Variants in MFSD1 observed in about 807,000 individuals in gnomAD.
MFSD1 encodes the protein lysosomal dipeptide transporter MFSD1.
A neutral mutation model predicts 67.1 loss-of-function variants in MFSD1; 59 were observed. The observed-to-expected ratio is 0.88, with a 90% CI of 0.71 to 1.09. The LOEUF (loss-of-function observed/expected upper bound fraction) is 1.09, where lower values mean the gene tolerates loss of function less well. MFSD1 is among the 50% of genes least tolerant of loss of function. The pLI is 0.00. For missense variants in MFSD1, 552 were observed against 566.1 expected (o/e 0.97, Z 0.25); for synonymous variants, 213 against 200.3 (o/e 1.06, Z -0.54).
chr3:158,826,088 T>C (rs761430444), intron 14 of MFSD1, 26 bp downstream of exon 14: 1 of 1,604,540 alleles, frequency 6.2e-7, no homozygotes, highest in Non-Finnish European at 8.5e-7. Context: ...GATATTTGCT[T>C]CTTAAACCGC....
Position 158,821,580 on chromosome 3 carries a change from T to C in MFSD1, c.864-17T>C. On this transcript the variant is annotated splice_polypyrimidine_tract_variant and intron_variant, in intron 9 of 15. Coordinates refer to ENST00000415822, the MANE Select transcript of MFSD1 (RefSeq NM_022736.4). ...GTTCTCTCTAATGTGCTAATTTCTC[T>C]GTCTTTTTAATTTTAGAGTTTTCTT... 1 of 1,579,502 alleles carries C rather than the reference T, an allele frequency of 6.3e-7. No individual in the cohort carries two copies. Among genetic ancestry groups the C allele is most frequent in the Non-Finnish European group, 8.7e-7 (1 of 1,152,750 alleles).
intron 9 of MFSD1, among the ~76,000 whole-genome samples, chr3:158,821,323 C>G (rs947965843): frequency 6.6e-6 from 1 of 152,114 alleles, no homozygotes; most frequent in Non-Finnish European, 1.5e-5. Context: ...CCTTAAGTCC[C>G]TGTGGTAGTA....
intron 13 of MFSD1, chr3:158,825,223 G>A (rs967423423): frequency 2.0e-5 from 3 of 152,162 alleles, no homozygotes; most frequent in Admixed American, 2.0e-4. Context: ...CAGTGGAGCA[G>A]TCACAGCTCA....
chr3:158,806,988 A>G (rs994711981), intron 3 of MFSD1, 52 bp from the exon 4 acceptor site: 1 of 1,405,030 alleles, frequency 7.1e-7, no homozygotes, highest in African/African-American at 1.5e-5. Flanking sequence ...AGAAATTAAG[A>G]TTTTTTTTTT....
chr3:158,812,932 C>T (rs1730110871), intron 6 of MFSD1, among the ~76,000 whole-genome samples: 2 of 152,152 alleles, frequency 1.3e-5, no homozygotes, highest in South Asian at 4.2e-4. Flanking sequence ...GTTCCTTCTG[C>T]CTGGAGTGCT....
chr3:158,822,010 T>C lies in MFSD1; in HGVS notation c.947T>C (p.Met316Thr), dbSNP rs148701924. The change falls in exon 11 of 16, where the codon ATG becomes ACG. Residue 316 changes from methionine to threonine, a missense_variant. Coordinates refer to ENST00000415822, the MANE Select transcript of MFSD1 (RefSeq NM_022736.4). ...GTTGTATATGTCATATCAGCTCCCA[T>C]GTCCCCGGTGTTTGGGCTCCTGGTG... ...NSVVYVISAPMSPVFGLLVDK... is the reference protein window; with the variant it reads ...NSVVYVISAPTSPVFGLLVDK... 3.7e-6 allele frequency: 6 copies of C among 1,613,780 alleles called. No homozygotes were observed. Among genetic ancestry groups the C allele is most frequent in the Non-Finnish European group, 4.2e-6 (5 of 1,179,838 alleles).
At chr3:158,806,419 T>C (rs1284223683) in intron 3 of MFSD1, among the ~76,000 whole-genome samples, 1 of 152,146 alleles carries the variant, frequency 6.6e-6, no homozygotes, top group Non-Finnish European at 1.5e-5. Flanking sequence ...CATGGCATGG[T>C]CATTTCACAA....
chr3:158,806,696 A>G (rs1027269584), intron 3 of MFSD1, among the ~76,000 whole-genome samples: 1 of 152,196 alleles, frequency 6.6e-6, no homozygotes, highest in Non-Finnish European at 1.5e-5. Flanking sequence ...AAGAATTTAC[A>G]TTTTTAAGTA....
intron 13 of MFSD1, among the ~76,000 whole-genome samples, chr3:158,824,851 A>C (rs1730879389): frequency 6.6e-6 from 1 of 152,224 alleles, no homozygotes; most frequent in African/African-American, 2.4e-5. Context: ...GTTTTCATTT[A>C]TAGGGAATAA....
At chr3:158,821,321 C>T (rs1576912514) in intron 9 of MFSD1, among the ~76,000 whole-genome samples, 1 of 152,248 alleles carries the variant, frequency 6.6e-6, no homozygotes, top group East Asian at 1.9e-4. Flanking sequence ...AGCCTTAAGT[C>T]CCTGTGGTAG....
intron 11 of MFSD1, chr3:158,823,019 G>A (rs192769994): frequency 2.7e-5 from 5 of 183,000 alleles, no homozygotes; most frequent in East Asian, 1.3e-4. Flanking sequence ...TGGCTCAGAC[G>A]TAGGATGATG....
chr3:158,802,298 T>A lies in MFSD1; in HGVS notation c.146T>A (p.Met49Lys), dbSNP rs528627080. ...CACCGGCTTTTGGTGCTGTTACTGATGTGCTTCCTTGGCTTTGGTGAGCCG... is the reference window on the plus strand; with the variant it reads ...CACCGGCTTTTGGTGCTGTTACTGAAGTGCTTCCTTGGCTTTGGTGAGCCG... Reference protein sequence around the residue: ...LAHRLLVLLLMCFLGFGSYFC... With the variant: ...LAHRLLVLLLKCFLGFGSYFC... The change falls in exon 1 of 16, where the codon ATG (methionine) becomes AAG (lysine). Residue 49 changes from methionine to lysine, a missense_variant. Physicochemically the swap from Met to Lys is moderately conservative, Grantham distance 95 (BLOSUM62 -1). Coordinates refer to ENST00000415822, the MANE Select transcript of MFSD1 (RefSeq NM_022736.4). 18 of 1,610,292 alleles carry A rather than the reference T, an allele frequency of 1.1e-5. No homozygotes were observed. Among genetic ancestry groups the A allele is most frequent in the Non-Finnish European group, 1.4e-5 (16 of 1,177,782 alleles).
At chr3:158,824,328 TTC>T in intron 13 of MFSD1, 92 bp downstream of exon 13, 1 of 876,640 alleles carries the variant, frequency 1.1e-6, no homozygotes, top group Non-Finnish European at 1.8e-6. Context: ...ATTTGCCTAA[TTC>T]TCACCTGTGA....
At chr3:158,822,200 A>G (rs1303006510) in intron 11 of MFSD1, 60 bp downstream of exon 11, 4 of 1,523,638 alleles carry the variant, frequency 2.6e-6, no homozygotes, top group Non-Finnish European at 1.8e-6. Context: ...TGTCATGTTC[A>G]TCTAAGTAGG....
At position 158,813,961 on chromosome 3, in the gene MFSD1, T is replaced by G. The variant is rs1263397350; in HGVS notation, c.550-4T>G. 5.6e-6 allele frequency: 9 copies of G among 1,597,686 alleles called. No individual in the cohort carries two copies. Among genetic ancestry groups the G allele is most frequent in the Non-Finnish European group, 8.6e-7 (1 of 1,166,892 alleles). On this transcript the variant is annotated splice_region_variant and splice_polypyrimidine_tract_variant and intron_variant, in intron 6 of 15. Transcript: ENST00000415822. Reference sequence around the variant, plus strand: ...CTGTTGTTTTTTTTTCCCTTCTCATTTAGGGAAGTACAGTAAACATGAACC... The same window carrying G: ...CTGTTGTTTTTTTTTCCCTTCTCATGTAGGGAAGTACAGTAAACATGAACC...
intron 6 of MFSD1, among the ~76,000 whole-genome samples, chr3:158,811,160 T>C (rs1419681905): frequency 6.6e-6 from 1 of 152,204 alleles, no homozygotes; most frequent in African/African-American, 2.4e-5. Flanking sequence ...ACGGAAAATA[T>C]GTAGAGTGTG....
At chr3:158,811,290 T>G (rs1730003105) in intron 6 of MFSD1, among the ~76,000 whole-genome samples, 1 of 152,206 alleles carries the variant, frequency 6.6e-6, no homozygotes, top group South Asian at 2.1e-4. Context: ...CCTGCTGTAC[T>G]TTTCACATCC....
chr3:158,819,617 T>C (rs752203785), intron 7 of MFSD1, 32 bp from the exon 8 acceptor site: 4 of 1,233,232 alleles, frequency 3.2e-6, no homozygotes, highest in Admixed American at 2.7e-5. Flanking sequence ...CTTTTCAAAG[T>C]CTGTTTTTCT....
chr3:158,807,860 G>A (rs1478421335), intron 5 of MFSD1, among the ~76,000 whole-genome samples: 2 of 152,208 alleles, frequency 1.3e-5, no homozygotes, highest in Non-Finnish European at 1.5e-5. Flanking sequence ...CTGTCCAAGA[G>A]CTTTGCTTGA....
Sources: gnomAD v4.1 joint callset for allele counts (sites outside exome capture counted in the v4.1 genomes callset) on GRCh38, gnomAD v4.1.1 for gene constraint, MANE v1.5 for transcripts, NCBI Gene and HGNC (gene_info 2026-07-23, HGNC 2026-07-21) for gene names.